The following PDLIM4 variants were observed in gnomAD, a reference collection of about 807,000 sequenced individuals.
The protein encoded by PDLIM4 is PDZ and LIM domain 4, also known as PDZ and LIM domain protein 4.
A neutral mutation model predicts 31.3 loss-of-function variants in PDLIM4; 19 were observed. The observed-to-expected ratio is 0.61, with a 90% confidence interval of 0.42 to 0.89. The LOEUF (loss-of-function observed/expected upper bound fraction) is 0.89, where lower values mean the gene tolerates loss of function less well. PDLIM4 is among the 40% of genes least tolerant of loss of function. The pLI is 0.00. For missense variants in PDLIM4, 442 were observed against 461.1 expected, an observed-to-expected ratio of 0.96 and a Z score of 0.38; for synonymous variants, 176 against 190.1, an observed-to-expected ratio of 0.93 and a Z score of 0.61.
chr5:132,271,303 C>T lies in PDLIM4; in HGVS notation c.507C>T (p.Ser169=), dbSNP rs765576278. Residue 169 remains serine (S), a splice_region_variant and synonymous_variant, in exon 5 of 7, where the codon AGC becomes AGT. Transcript: ENST00000253754. ...TCCTCTATTTCTTTCTCCCTCCCAG[C>T]GCTGACCCAGCCAGAGGCCTCCCGC... ...MSTLHVSPPP[S]ADPARGLPRS... 21 of 1,592,956 alleles carry T rather than the reference C, an allele frequency of 1.3e-5. No individual in the cohort carries two copies. The highest frequency in any genetic ancestry group is 1.7e-5 in the Admixed American group (1 of 59,600).
chr5:132,271,918 C>T lies in PDLIM4; in HGVS notation c.788+10C>T, dbSNP rs754367110. 66 of 1,598,720 alleles carry T rather than the reference C, an allele frequency of 4.1e-5. 1 individual carries two copies. In the South Asian group the frequency reaches 7.0e-4, roughly 17 times the overall value. On this transcript the variant is annotated intron_variant, in intron 6 of 6. Transcript: ENST00000253754. ...GCGGCCACGGCATCGTGTGAGTAACCGCCCCCGCTGCCCCTCCCGGACCCT... is the reference window on the plus strand; with the variant it reads ...GCGGCCACGGCATCGTGTGAGTAACTGCCCCCGCTGCCCCTCCCGGACCCT...
intron 2 of PDLIM4, among the ~76,000 whole-genome samples, chr5:132,263,477 A>G (rs1756419906): frequency 6.6e-6 from 1 of 151,628 alleles, no homozygotes; most frequent in Admixed American, 6.6e-5. Context: ...TCTGTGCTCC[A>G]TAAATGATCC....
chr5:132,264,071 C>T (rs1756435894), intron 2 of PDLIM4, among the ~76,000 whole-genome samples: 1 of 152,174 alleles, frequency 6.6e-6, no homozygotes, highest in Admixed American at 6.5e-5. Context: ...GATCCTGGCC[C>T]CTGACTCACC....
rs1409139968 is a variant in PDLIM4 at position 132,262,873 on chromosome 5, G to A, written c.245+113G>A. On this transcript the variant is annotated intron_variant, in intron 2 of 6. Coordinates refer to ENST00000253754, the MANE Select transcript of PDLIM4 (RefSeq NM_003687.4). ...ACAGCCTCTCTGCCTCAGCTCCTGGGTGCCCCATCCAGGAACAGTCCCAAG... is the reference window on the plus strand; with the variant it reads ...ACAGCCTCTCTGCCTCAGCTCCTGGATGCCCCATCCAGGAACAGTCCCAAG... The A allele has an allele frequency of 5.0e-6, 5 of 994,766 alleles. No homozygotes were observed. In the African/African-American group the frequency reaches 6.5e-5, roughly 13 times the overall value. The allele number at this position is 994,766 out of a possible 1,614,324, so 61.6% of individuals were successfully genotyped here. A position where few individuals can be genotyped will look rare whatever the true frequency, so the allele number is the denominator to read the frequency against.
Position 132,271,302 on chromosome 5 carries a change from G to T in PDLIM4, c.507-1G>T. ...CTCCTCTATTTCTTTCTCCCTCCCA[G>T]CGCTGACCCAGCCAGAGGCCTCCCG... On this transcript the variant is annotated splice_acceptor_variant, in intron 4 of 6. Transcript: ENST00000253754. LOFTEE classifies it high-confidence loss of function. The T allele has an allele frequency of 1.9e-6, 3 of 1,593,190 alleles. No homozygotes were observed. The highest frequency in any genetic ancestry group is 2.6e-6 in the Non-Finnish European group (3 of 1,170,884).
chr5:132,262,459 C>A (rs1013767363), intron 1 of PDLIM4, 150 bp from the exon 2 acceptor site: 2 of 634,580 alleles, frequency 3.2e-6, no homozygotes, highest in East Asian at 3.2e-5. Context: ...TACATGGGGA[C>A]CTCAACCAGC....
intron 2 of PDLIM4, 24 bp downstream of exon 2, chr5:132,262,784 G>A (rs1263364692): frequency 3.1e-6 from 5 of 1,595,654 alleles, no homozygotes; most frequent in Admixed American, 1.7e-5. Context: ...GGCTGGGCTG[G>A]GAGGATGGAA....
chr5:132,262,997 C>A (rs1756410705), intron 2 of PDLIM4, among the ~76,000 whole-genome samples: 1 of 152,186 alleles, frequency 6.6e-6, no homozygotes, highest in African/African-American at 2.4e-5. Context: ...TGTGTTGGGG[C>A]ACTTATGGCA....
chr5:132,264,213 G>T (rs1756440957), intron 2 of PDLIM4, among the ~76,000 whole-genome samples: 1 of 152,078 alleles, frequency 6.6e-6, no homozygotes, highest in Admixed American at 6.5e-5. Context: ...GTGGTGGGGT[G>T]GAGGTCCCCC....
chr5:132,272,276 C>CCT lies in PDLIM4; in HGVS notation c.*47_*48insCT. 6.7e-7 allele frequency: 1 copy of CCT among 1,484,956 alleles called. No homozygotes were observed. The highest frequency in any genetic ancestry group is 9.4e-7 in the Non-Finnish European group (1 of 1,066,764). 92.0% of individuals were successfully genotyped at this position (1,484,956 alleles called of 1,614,324 possible). ...CTGCTTCTTAAGGTCCCTGCTCGGC[C>CCT]GGTGTAAATATGTTTCACCCTGTCC... On this transcript the variant is annotated 3_prime_UTR_variant, in exon 7 of 7. Transcript: ENST00000253754.
chr5:132,266,710 A>C, intron 3 of PDLIM4, 165 bp downstream of exon 3: 1 of 500,756 alleles, frequency 2.0e-6, no homozygotes, highest in Non-Finnish European at 3.6e-6. Flanking sequence ...ACCCCATCCC[A>C]TGTTCCTCAG....
At chr5:132,267,401 C>G (rs903810420) in intron 3 of PDLIM4, among the ~76,000 whole-genome samples, 1 of 152,234 alleles carries the variant, frequency 6.6e-6, no homozygotes, top group African/African-American at 2.4e-5. Flanking sequence ...CCATCTTGCT[C>G]TATTCCCTAC....
intron 1 of PDLIM4, among the ~76,000 whole-genome samples, chr5:132,259,370 C>G (rs544698664): frequency 1.3e-5 from 2 of 152,100 alleles, no homozygotes; most frequent in Non-Finnish European, 2.9e-5. Context: ...GGCCTCCACA[C>G]GTCACAGCTG....
intron 3 of PDLIM4, among the ~76,000 whole-genome samples, chr5:132,268,769 G>C (rs1375706388): frequency 6.6e-6 from 1 of 152,132 alleles, no homozygotes; most frequent in Admixed American, 6.5e-5. Context: ...TGCTCATCTG[G>C]ACTCAGCGCC....
At chr5:132,271,622 C>G (rs1561524070) in intron 5 of PDLIM4, 156 bp downstream of exon 5, 1 of 947,606 alleles carries the variant, frequency 1.1e-6, no homozygotes, top group Admixed American at 1.9e-5. Context: ...TACGCCCTGG[C>G]TTCCCGATTC....
chr5:132,261,971 C>G (rs944631889), intron 1 of PDLIM4, among the ~76,000 whole-genome samples: 3 of 152,152 alleles, frequency 2.0e-5, no homozygotes, highest in Non-Finnish European at 2.9e-5. Context: ...AGGAAGTGGC[C>G]TCTATGCTGA....
At chr5:132,260,798 G>C (rs536372949) in intron 1 of PDLIM4, among the ~76,000 whole-genome samples, 1 of 152,166 alleles carries the variant, frequency 6.6e-6, no homozygotes, top group South Asian at 2.1e-4. Flanking sequence ...GCATGTAAAG[G>C]TGACTGGGAG....
chr5:132,267,120 G>A (rs1756508572), intron 3 of PDLIM4, among the ~76,000 whole-genome samples: 1 of 152,182 alleles, frequency 6.6e-6, no homozygotes, highest in South Asian at 2.1e-4. Flanking sequence ...GGCTATTCTA[G>A]GGCCTTGTTT....
At chr5:132,258,272 G>A (rs992093396) in intron 1 of PDLIM4, among the ~76,000 whole-genome samples, 2 of 152,214 alleles carry the variant, frequency 1.3e-5, no homozygotes, top group Non-Finnish European at 2.9e-5. Flanking sequence ...GGGAGGTCTG[G>A]GGTCCTCGCT....
Sources: gnomAD v4.1 joint callset for allele counts (sites outside exome capture counted in the v4.1 genomes callset) on GRCh38, gnomAD v4.1.1 for gene constraint, MANE v1.5 for transcripts, NCBI Gene and HGNC (gene_info 2026-07-23, HGNC 2026-07-21) for gene names.